P2RY14: variants seen among roughly 807,000 people sequenced by gnomAD.
P2RY14 encodes the protein P2Y purinoceptor 14.
Under a neutral mutation model 0.9 loss-of-function variants are expected in P2RY14, and 2 were observed. The observed-to-expected ratio is 2.16, with a 90% CI of 0.88 to 6.79. The LOEUF is 6.79. Ranked by LOEUF, P2RY14 falls within the 30% of genes most tolerant of loss-of-function variation. The pLI, the probability that P2RY14 is intolerant of heterozygous loss-of-function variation, is 0.05. For missense variants in P2RY14, 378 were observed against 400.1 expected, an observed-to-expected ratio of 0.94 and a Z score of 0.47; for synonymous variants, 158 against 147.2, an observed-to-expected ratio of 1.07 and a Z score of -0.53.
intron 1 of P2RY14, among the ~76,000 whole-genome samples, chr3:151,273,345 A>T (rs1379832304): frequency 6.8e-6 from 1 of 146,066 alleles, no homozygotes; most frequent in Non-Finnish European, 1.5e-5. Context: ...ATTCTGCCTC[A>T]GCCTCCTGAG....
rs528938175 is a variant in P2RY14, at chr3:151,224,688, C to T, written c.-132-5046G>A. ...CCTCCTCCCACCCCCTATCTTTTGTCATCACCCAGAGCATTTAAAGTTTGA... is the reference window on the plus strand; with the variant it reads ...CCTCCTCCCACCCCCTATCTTTTGTTATCACCCAGAGCATTTAAAGTTTGA... On this transcript the variant is annotated intron_variant, in intron 1 of 2. Transcript: ENST00000309170. Among the ~76,000 whole-genome samples the T allele has an allele frequency of 6.4e-4, 98 of 152,300 alleles. 1 individual carries two copies. Among genetic ancestry groups the T allele is most frequent in the African/African-American group, 2.3e-3 (96 of 41,568 alleles).
At chr3:151,229,190 C>G (rs1296911300) in intron 1 of P2RY14, among the ~76,000 whole-genome samples, 1 of 152,128 alleles carries the variant, frequency 6.6e-6, no homozygotes, top group Non-Finnish European at 1.5e-5. Flanking sequence ...TTCCCATATA[C>G]TCTCTAACCC....
intron 1 of P2RY14, among the ~76,000 whole-genome samples, chr3:151,230,710 C>T (rs886608247): frequency 2.0e-5 from 3 of 151,954 alleles, no homozygotes; most frequent in Non-Finnish European, 4.4e-5. Flanking sequence ...GCTCAAAGTC[C>T]TTAATAAAAA....
At chr3:151,250,874 G>A (rs73023010) in intron 1 of P2RY14, among the ~76,000 whole-genome samples, 8,891 of 152,164 alleles carry the variant, frequency 0.058, 851 homozygotes, top group African/African-American at 0.2. Flanking sequence ...ACCATCTTAC[G>A]TTCCCACCAA....
intron 1 of P2RY14, among the ~76,000 whole-genome samples, chr3:151,222,580 C>G (rs1425094766): frequency 6.6e-6 from 1 of 152,210 alleles, no homozygotes; most frequent in Non-Finnish European, 1.5e-5. Flanking sequence ...CTTCTCTTGT[C>G]TGCCACCATG....
intron 1 of P2RY14, among the ~76,000 whole-genome samples, chr3:151,227,780 A>G (rs1285618728): frequency 1.3e-5 from 2 of 152,194 alleles, no homozygotes; most frequent in Non-Finnish European, 2.9e-5. Flanking sequence ...TTTGCCTATA[A>G]TGATTGGAAT....
At chr3:151,242,244 G>A (rs6440729) in intron 1 of P2RY14, among the ~76,000 whole-genome samples, 95 of 152,334 alleles carry the variant, frequency 6.2e-4, no homozygotes, top group Admixed American at 1.0e-3. Context: ...CAAAGCAGCC[G>A]GGAAGCTCAA....
intron 1 of P2RY14, among the ~76,000 whole-genome samples, chr3:151,242,243 C>T (rs907544665): frequency 9.2e-5 from 14 of 152,266 alleles, no homozygotes; most frequent in South Asian, 2.1e-4. Flanking sequence ...ACAAAGCAGC[C>T]GGGAAGCTCA....
At chr3:151,240,452 G>C (rs939152463) in intron 1 of P2RY14, among the ~76,000 whole-genome samples, 3 of 152,202 alleles carry the variant, frequency 2.0e-5, no homozygotes, top group African/African-American at 7.2e-5. Context: ...CCAGGTACTA[G>C]CATGTCTTGT....
chr3:151,227,237 ATTC>A (rs1233324688), intron 1 of P2RY14, among the ~76,000 whole-genome samples: 1 of 152,246 alleles, frequency 6.6e-6, no homozygotes, highest in African/African-American at 2.4e-5. Context: ...ATATCTAAAT[ATTC>A]TTCTTAGGCT....
chr3:151,239,586 A>C (rs1422071807), intron 1 of P2RY14, among the ~76,000 whole-genome samples: 1 of 152,220 alleles, frequency 6.6e-6, no homozygotes, highest in Non-Finnish European at 1.5e-5. Context: ...TTAACCTGCT[A>C]TTTAAAAGTT....
At chr3:151,225,963 G>C (rs1253591849) in intron 1 of P2RY14, among the ~76,000 whole-genome samples, 1 of 152,150 alleles carries the variant, frequency 6.6e-6, no homozygotes, top group Non-Finnish European at 1.5e-5. Flanking sequence ...GTGTACCCCT[G>C]ATATTTCTTC....
At position 151,213,356 on chromosome 3, in the gene P2RY14, C is replaced by G. The variant is rs749456790; in HGVS notation, c.961G>C (p.Asp321His). 1.2e-6 allele frequency: 2 copies of G among 1,613,566 alleles called. No individual in the cohort carries two copies. Among genetic ancestry groups the G allele is most frequent in the African/African-American group, 2.7e-5 (2 of 74,900 alleles). Residue 321 changes from aspartate to histidine, a missense_variant, in exon 3 of 3, where the codon GAC (aspartate) becomes CAC (histidine). Physicochemically the swap from Asp to His is moderately conservative, Grantham distance 81. Coordinates refer to ENST00000309170, the MANE Select transcript of P2RY14 (RefSeq NM_014879.4). ...TTTCCTCTTTTGATTCTGGAAATGT[C>G]TAGGTCATTCTGAGCTTTTAATGGA... ...HIPLKAQNDL[D>H]ISRIKRGNTT...
At chr3:151,271,913 T>TA (rs1559965997) in intron 1 of P2RY14, among the ~76,000 whole-genome samples, 3 of 152,172 alleles carry the variant, frequency 2.0e-5, no homozygotes. Context: ...CTATTTATCT[T>TA]AATTGGGGTG....
At chr3:151,271,460 A>G (rs1740929898) in intron 1 of P2RY14, among the ~76,000 whole-genome samples, 1 of 152,232 alleles carries the variant, frequency 6.6e-6, no homozygotes, top group South Asian at 2.1e-4. Context: ...TTATCAAGTT[A>G]AACATGTTGC....
At chr3:151,261,349 T>C (rs1011077978) in intron 1 of P2RY14, 1 of 152,114 alleles carries the variant, frequency 6.6e-6, no homozygotes, top group Non-Finnish European at 1.5e-5. Context: ...AATATGATAA[T>C]ATTTGCAGGA....
rs547687710 is a variant in P2RY14, at chr3:151,269,599, A to G, written c.-133+8688T>C. On this transcript the variant is annotated intron_variant, in intron 1 of 2. Transcript: ENST00000309170. ...ATTTGTCAGCCATCCACAAGTGTCTACATTACTTGGGGAGGAAGACAAAGA... is the reference window on the plus strand; with the variant it reads ...ATTTGTCAGCCATCCACAAGTGTCTGCATTACTTGGGGAGGAAGACAAAGA... 1.2e-3 allele frequency: 417 copies of G among 343,838 alleles called. 4 individuals carry two copies. The highest frequency in any genetic ancestry group is 8.1e-3 in the South Asian group (296 of 36,690). 21.3% of individuals were successfully genotyped at this position (343,838 alleles called of 1,614,324 possible).
chr3:151,273,154 C>T (rs1741256938), intron 1 of P2RY14, among the ~76,000 whole-genome samples: 1 of 151,506 alleles, frequency 6.6e-6, no homozygotes, highest in African/African-American at 2.4e-5. Context: ...TTCTTATAGT[C>T]ATCAGAGCAC....
In P2RY14 at chr3:151,213,647, A is replaced by G; in HGVS notation, c.670T>C (p.Ser224Pro). ...CTAGATTTCTTTTTGACCGAAGTGG[A>G]ATTCCGACTTGACTTAAGGTGGGAC... Reference protein sequence around the residue: ...FKSHLKSSRNSTSVKKKSSRN... With the variant: ...FKSHLKSSRNPTSVKKKSSRN... The change falls in exon 3 of 3, where the codon TCC becomes CCC. Residue 224 changes from serine (S) to proline (P), a missense_variant. Ser to Pro is a moderately conservative substitution (Grantham distance 74, BLOSUM62 -1). Transcript: ENST00000309170. 6.2e-7 allele frequency: 1 copy of G among 1,614,164 alleles called. No homozygotes were observed.
Sources: allele counts gnomAD v4.1 joint callset (sites outside exome capture counted in the v4.1 genomes callset), GRCh38; gene constraint gnomAD v4.1.1; transcripts MANE v1.5; gene names NCBI Gene and HGNC (gene_info 2026-07-23, HGNC 2026-07-21).